The following WDR12 variants were observed in gnomAD, a reference collection of about 807,000 sequenced individuals.
The protein encoded by WDR12 is ribosome biogenesis protein WDR12.
In WDR12, 42 loss-of-function variants were observed where a neutral mutation model predicts 64.3. The ratio of observed to expected loss-of-function variants is 0.65; its 90% CI spans 0.51 to 0.84. The LOEUF is 0.84. WDR12 is among the 40% of genes least tolerant of loss of function. The pLI, the probability that WDR12 is intolerant of heterozygous loss-of-function variation, is 0.00. For missense variants in WDR12, 469 were observed against 494.6 expected (o/e 0.95, Z 0.49); for synonymous variants, 158 against 173.3 (o/e 0.91, Z 0.70).
rs1446583543 is a variant in WDR12, at chr2:202,874,813, G to A, written c.*6047C>T. On this transcript the variant is annotated 3_prime_UTR_variant, in exon 13 of 13. Transcript: ENST00000261015. Reference sequence around the variant, plus strand: ...CCCTACTACATTTCTGTTTATTCAAGCAAAGCTAGAAACAGTATTAGAATT... The same window carrying A: ...CCCTACTACATTTCTGTTTATTCAAACAAAGCTAGAAACAGTATTAGAATT... The A allele has an allele frequency of 3.3e-5, 5 of 152,250 alleles. No individual in the cohort carries two copies. Among genetic ancestry groups the A allele is most frequent in the Non-Finnish European group, 2.9e-5 (2 of 68,018 alleles). 9.4% of individuals were successfully genotyped at this position (152,250 alleles called of 1,614,324 possible).
At position 202,875,994 on chromosome 2, in the gene WDR12, C is replaced by A. The variant is rs1272764187; in HGVS notation, c.*4866G>T. ...ACTGTAAGAAAATAATTTACTTCCT[C>A]AAATCTGCAAATCATTGGAACTGCT... On this transcript the variant is annotated 3_prime_UTR_variant, in exon 13 of 13. Transcript: ENST00000261015. The A allele has an allele frequency of 1.3e-5, 2 of 152,202 alleles. No individual in the cohort carries two copies. The highest frequency in any genetic ancestry group is 2.9e-5 in the Non-Finnish European group (2 of 68,036). The allele number at this position is 152,202 out of a possible 1,614,324, so 9.4% of individuals were successfully genotyped here.
intron 6 of WDR12, 167 bp downstream of exon 6, chr2:202,895,898 T>C (rs1406043645): frequency 1.4e-6 from 1 of 699,308 alleles, no homozygotes; most frequent in African/African-American, 1.8e-5. Flanking sequence ...ACTGAGCAAG[T>C]GACTATCTCC....
rs761193203 is a variant in WDR12, at chr2:202,905,714, TACA to T, written c.136+2148_136+2150del. Among the ~76,000 whole-genome samples, 7 of 152,340 alleles carry T rather than the reference TACA, an allele frequency of 4.6e-5. No homozygotes were observed. In the East Asian group the frequency reaches 1.2e-3, roughly 25 times the overall value. ...TAAAAAAGAATGAGATCCTGTCATTTACAACAACATGGGTAGAATTGGAGGTCA... is the reference window on the plus strand; with the variant it reads ...TAAAAAAGAATGAGATCCTGTCATTTACAACATGGGTAGAATTGGAGGTCA... On this transcript the variant is annotated intron_variant, in intron 2 of 12. Coordinates refer to ENST00000261015, the MANE Select transcript of WDR12 (RefSeq NM_018256.4).
At chr2:202,895,899 G>C (rs976732989) in intron 6 of WDR12, 166 bp downstream of exon 6, 60 of 705,530 alleles carry the variant, frequency 8.5e-5, no homozygotes, top group Non-Finnish European at 1.2e-4. Flanking sequence ...CTGAGCAAGT[G>C]ACTATCTCCT....
intron 2 of WDR12, among the ~76,000 whole-genome samples, chr2:202,902,617 A>G (rs1688368730): frequency 6.6e-6 from 1 of 152,152 alleles, no homozygotes; most frequent in South Asian, 2.1e-4. Flanking sequence ...CAAGTTCTAC[A>G]GCTTTTGGAT....
rs1015564704 is a variant in WDR12 at position 202,880,736 on chromosome 2, G to C, written c.*124C>G. On this transcript the variant is annotated 3_prime_UTR_variant, in exon 13 of 13. Coordinates refer to ENST00000261015, the MANE Select transcript of WDR12 (RefSeq NM_018256.4). ...GAAAAAGTGATACGTTAGCTGTTAT[G>C]AAGGGTGAAAACATTATATAAACTT... 4.6e-6 allele frequency: 3 copies of C among 654,382 alleles called. No homozygotes were observed. Among genetic ancestry groups the C allele is most frequent in the Non-Finnish European group, 4.9e-6 (2 of 407,748 alleles). 40.5% of individuals were successfully genotyped at this position (654,382 alleles called of 1,614,324 possible).
At chr2:202,883,201 T>C (rs1012111827) in intron 11 of WDR12, among the ~76,000 whole-genome samples, 2 of 152,152 alleles carry the variant, frequency 1.3e-5, no homozygotes, top group Non-Finnish European at 2.9e-5. Context: ...ACTGATGCAA[T>C]CTCGGCTCAC....
intron 1 of WDR12, among the ~76,000 whole-genome samples, 170 bp from the exon 2 acceptor site, chr2:202,908,129 G>A (rs949537809): frequency 6.6e-6 from 1 of 152,176 alleles, no homozygotes; most frequent in Non-Finnish European, 1.5e-5. Flanking sequence ...CTAAGATGAG[G>A]TTGAAGTTTA....
At position 202,907,857 on chromosome 2, in the gene WDR12, A is replaced by G. The variant is rs1688488041; in HGVS notation, c.136+8T>C. The stretch of plus-strand genomic sequence containing the variant: ...ACACTGTGCCCTCTCCTAAGCATAT[A>G]TACCCACCATTTTTGTCCTTTAGTA... On this transcript the variant is annotated splice_region_variant and intron_variant, in intron 2 of 12. Transcript: ENST00000261015. 4 of 1,606,744 alleles carry G rather than the reference A, an allele frequency of 2.5e-6. No homozygotes were observed. Among genetic ancestry groups the G allele is most frequent in the Non-Finnish European group, 2.6e-6 (3 of 1,173,582 alleles).
intron 1 of WDR12, among the ~76,000 whole-genome samples, chr2:202,911,109 A>G (rs1371984895): frequency 3.9e-5 from 6 of 151,954 alleles, no homozygotes; most frequent in African/African-American, 1.5e-4. Context: ...TAAATGGTAA[A>G]TATGTTTTTT....
chr2:202,898,387 G>C (rs1455907204), intron 4 of WDR12, among the ~76,000 whole-genome samples: 1 of 152,200 alleles, frequency 6.6e-6, no homozygotes, highest in Non-Finnish European at 1.5e-5. Flanking sequence ...CTGATCTCAA[G>C]TGATCCACCT....
intron 3 of WDR12, among the ~76,000 whole-genome samples, chr2:202,900,018 T>C (rs1688321091): frequency 6.6e-6 from 1 of 151,390 alleles, no homozygotes; most frequent in Non-Finnish European, 1.5e-5. Context: ...ATGCTGCAAA[T>C]GGGGGGGAAA....
intron 2 of WDR12, among the ~76,000 whole-genome samples, chr2:202,906,432 A>C (rs1454451365): frequency 6.6e-6 from 1 of 152,156 alleles, no homozygotes; most frequent in Non-Finnish European, 1.5e-5. Context: ...CTCAAATTTC[A>C]CAAAAAAATT....
In WDR12 at chr2:202,901,087, T is replaced by A; in HGVS notation, c.169A>T (p.Ile57Phe). The change falls in exon 3 of 13, where the codon ATT (isoleucine) becomes TTT (phenylalanine). Residue 57 changes from isoleucine (I) to phenylalanine (F), a missense_variant. Coordinates refer to ENST00000261015, the MANE Select transcript of WDR12 (RefSeq NM_018256.4). ...FHKHVEFDFL[I>F]KGQFLRMPLD... Reference sequence around the variant, plus strand: ...GGCATTCGCAGAAACTGGCCCTTAATAAGGAAATCAAACTCCACATGTTTG... The same window carrying A: ...GGCATTCGCAGAAACTGGCCCTTAAAAAGGAAATCAAACTCCACATGTTTG... The A allele has an allele frequency of 6.2e-7, 1 of 1,600,924 alleles. No individual in the cohort carries two copies. Among genetic ancestry groups the A allele is most frequent in the Non-Finnish European group, 8.5e-7 (1 of 1,170,922 alleles).
intron 2 of WDR12, among the ~76,000 whole-genome samples, chr2:202,905,963 G>C (rs773132237): frequency 6.6e-6 from 1 of 152,196 alleles, no homozygotes; most frequent in Admixed American, 6.5e-5. Flanking sequence ...GTATTTGATA[G>C]CACAACTGGA....
intron 3 of WDR12, 40 bp downstream of exon 3, chr2:202,900,985 T>C: frequency 1.3e-6 from 2 of 1,507,774 alleles, no homozygotes; most frequent in Non-Finnish European, 1.8e-6. Flanking sequence ...TAGCCGATAA[T>C]GCCTCAAGTG....
At chr2:202,892,828 C>G (rs1559160702) in intron 7 of WDR12, 126 bp from the exon 8 acceptor site, 6 of 488,468 alleles carry the variant, frequency 1.2e-5, no homozygotes. Flanking sequence ...ATGAATATTC[C>G]TCATCATTTT....
At chr2:202,893,598 T>C (rs1398712132) in intron 7 of WDR12, among the ~76,000 whole-genome samples, 2 of 152,208 alleles carry the variant, frequency 1.3e-5, no homozygotes, top group Non-Finnish European at 2.9e-5. Context: ...CCCCCTCAAG[T>C]CTTTGTGAAA....
At chr2:202,883,571 T>C (rs1687991816) in intron 11 of WDR12, 38 bp downstream of exon 11, 11 of 1,587,940 alleles carry the variant, frequency 6.9e-6, no homozygotes, top group South Asian at 2.2e-5. Context: ...TAACAGGTAA[T>C]TGATATGTTT....
Sources: allele counts gnomAD v4.1 joint callset (sites outside exome capture counted in the v4.1 genomes callset), GRCh38; gene constraint gnomAD v4.1.1; transcripts MANE v1.5; gene names NCBI Gene and HGNC (gene_info 2026-07-23, HGNC 2026-07-21).